NAT16: variants seen among roughly 807,000 people sequenced by gnomAD.
NAT16 encodes the protein probable N-acetyltransferase 16.
A neutral mutation model predicts 15.9 loss-of-function variants in NAT16; 16 were observed. That is an observed-to-expected ratio of 1.01 (90% CI 0.68 to 1.53). NAT16 has a LOEUF of 1.53. Among genes scored for constraint, NAT16 ranks in the 40% most tolerant of loss-of-function variants. The pLI is 0.00. For synonymous variants in NAT16, 260 were observed against 241.9 expected (o/e 1.07, Z -0.69); for missense variants, 572 against 508.4 (o/e 1.13, Z -1.20).
chr7:101,178,769 T>A (rs1244403628), intron 1 of NAT16, among the ~76,000 whole-genome samples: 1 of 144,998 alleles, frequency 6.9e-6, no homozygotes, highest in Non-Finnish European at 1.5e-5. Context: ...CGCATTCCTG[T>A]AATCCCAGCT....
At position 101,172,042 on chromosome 7, in the gene NAT16, G is replaced by A; in HGVS notation, c.*37C>T. ...CTGGCTGGGGAAACTGCGGAAGGGG[G>A]CGGGTCTTTTTCCCCCTCCCCGCCA... On this transcript the variant is annotated 3_prime_UTR_variant, in exon 4 of 4. Coordinates refer to ENST00000300303, the MANE Select transcript of NAT16 (RefSeq NM_198571.3). The surrounding 1 kb of genome is among the most constrained non-coding windows in gnomAD (Gnocchi z 4.2). 7.0e-7 allele frequency: 1 copy of A among 1,435,292 alleles called. No homozygotes were observed. Among genetic ancestry groups the A allele is most frequent in the Non-Finnish European group, 9.7e-7 (1 of 1,033,616 alleles). The allele number at this position is 1,435,292 out of a possible 1,614,324, so 88.9% of individuals were successfully genotyped here.
chr7:101,178,889 C>CAAAAAAAAAAAAAAAAA (rs71126381), intron 1 of NAT16, among the ~76,000 whole-genome samples: 2 of 62,084 alleles, frequency 3.2e-5, no homozygotes, highest in Non-Finnish European at 5.5e-5. Flanking sequence ...GAAACGCTGT[C>CAAAAAAAAAAAAAAAAA]AAAAAAAAAA....
At chr7:101,173,063 G>T (rs1797372398) in intron 3 of NAT16, among the ~76,000 whole-genome samples, 1 of 152,132 alleles carries the variant, frequency 6.6e-6, no homozygotes, top group African/African-American at 2.4e-5. Flanking sequence ...GGGAGGCAGG[G>T]TCCCCGAAGT....
At chr7:101,174,328 A>C in intron 2 of NAT16, 168 bp downstream of exon 2, 1 of 847,874 alleles carries the variant, frequency 1.2e-6, no homozygotes, top group Non-Finnish European at 1.8e-6. Context: ...TCACTGACAT[A>C]GCCCCTGGAT....
In NAT16 at chr7:101,171,748, G is replaced by C. The variant is rs962638392; in HGVS notation, c.*331C>G. The C allele has an allele frequency of 7.8e-6, 2 of 255,012 alleles. No homozygotes were observed. The highest frequency in any genetic ancestry group is 4.5e-5 in the African/African-American group (2 of 43,960). The allele number at this position is 255,012 out of a possible 1,614,324, so 15.8% of individuals were successfully genotyped here. On this transcript the variant is annotated 3_prime_UTR_variant, in exon 4 of 4. Coordinates refer to ENST00000300303, the MANE Select transcript of NAT16 (RefSeq NM_198571.3). ...ACGCCCCGGGTGAGGTGATGGAGAG[G>C]GAAGGAAGGACTCTGAAGCCTGTGC...
At chr7:101,174,103 T>C (rs948521510) in intron 2 of NAT16, 25 of 328,954 alleles carry the variant, frequency 7.6e-5, no homozygotes, top group Non-Finnish European at 1.4e-4. Flanking sequence ...CTTCCTTGGC[T>C]CCTCCCCCGG....
chr7:101,177,008 C>T (rs953688186), intron 1 of NAT16, among the ~76,000 whole-genome samples: 1 of 152,058 alleles, frequency 6.6e-6, no homozygotes, highest in African/African-American at 2.4e-5. Context: ...CTTGCCTAAA[C>T]GCGGTATGCT....
In NAT16 at chr7:101,174,707, T is replaced by A. The variant is rs763485972; in HGVS notation, c.101A>T (p.Gln34Leu). The A allele has an allele frequency of 8.7e-6, 14 of 1,613,164 alleles. No homozygotes were observed. In the South Asian group the frequency reaches 1.5e-4, roughly 18 times the overall value. The change falls in exon 2 of 4, where the codon CAG (glutamine) becomes CTG (leucine). Residue 34 changes from glutamine to leucine, a missense_variant. By Grantham distance (113) the Gln-to-Leu change is moderately radical (BLOSUM62 -2). Transcript: ENST00000300303. The stretch of plus-strand genomic sequence containing the variant: ...CGACCTGGGCTCGGCCTCCACCTCC[T>A]GTGGCCGGGTTTCAGAGCTTGGCTC... ...DAEPSSETRPQEVEAEPRSGS... is the reference protein window; with the variant it reads ...DAEPSSETRPLEVEAEPRSGS...
intron 1 of NAT16, among the ~76,000 whole-genome samples, chr7:101,179,638 G>A (rs1237377128): frequency 7.2e-6 from 1 of 139,238 alleles, no homozygotes; most frequent in Admixed American, 7.1e-5. Flanking sequence ...AGGGGGTGGG[G>A]GGAGGGCCCC....
rs1477543063 is a variant in NAT16, at chr7:101,172,330, G to T, written c.859C>A (p.Pro287Thr). The change falls in exon 4 of 4, where the codon CCG becomes ACG. Residue 287 changes from proline (P) to threonine (T), a missense_variant. Physicochemically the swap from Pro to Thr is conservative, Grantham distance 38. Coordinates refer to ENST00000300303, the MANE Select transcript of NAT16 (RefSeq NM_198571.3). This position sits in a 1 kb window ranked among gnomAD's most constrained non-coding sequence, Gnocchi z 4.2. ...CGCCAAGTGCCGTCCCCTCCGTGCG[G>T]GATGGGGAAGGGGCGCGTGCACAGC... ...LTLCTRPFPI[P>T]HGGDGTWRYL... 1.2e-6 allele frequency: 2 copies of T among 1,603,594 alleles called. No homozygotes were observed. Among genetic ancestry groups the T allele is most frequent in the East Asian group, 4.5e-5 (2 of 44,444 alleles).
At chr7:101,175,294 A>G (rs970711117) in intron 1 of NAT16, among the ~76,000 whole-genome samples, 1 of 149,708 alleles carries the variant, frequency 6.7e-6, no homozygotes, top group Non-Finnish European at 1.5e-5. Context: ...TTTAATACAG[A>G]TAGGGATCTC....
Position 101,173,385 on chromosome 7 carries a change from G to C in NAT16, c.448C>G (p.Gln150Glu), listed in dbSNP as rs754397489. ...QRFCSQLVKR[Q>E]HPGVKVARLT... ...CGTGCCACCTTGACCCCCGGGTGCTGTCTCTTGACCAGCTGCGAGCAGAAG... is the reference window on the plus strand; with the variant it reads ...CGTGCCACCTTGACCCCCGGGTGCTCTCTCTTGACCAGCTGCGAGCAGAAG... Residue 150 changes from glutamine (Q) to glutamate (E), a missense_variant, in exon 3 of 4, where the codon CAG becomes GAG. Transcript: ENST00000300303. The C allele has an allele frequency of 1.9e-6, 3 of 1,614,030 alleles. No homozygotes were observed. Among genetic ancestry groups the C allele is most frequent in the East Asian group, 4.5e-5 (2 of 44,874 alleles).
chr7:101,173,549 C>T (rs769955282), intron 2 of NAT16, 29 bp from the exon 3 acceptor site: 2 of 1,520,186 alleles, frequency 1.3e-6, no homozygotes, highest in East Asian at 4.8e-5. Flanking sequence ...AGCGCGGGGC[C>T]CTCCCCGCCT....
chr7:101,173,581 G>A (rs1797395097), intron 2 of NAT16, 61 bp from the exon 3 acceptor site: 28 of 1,400,930 alleles, frequency 2.0e-5, no homozygotes, highest in Non-Finnish European at 2.5e-5. Context: ...AGGGCTGTCG[G>A]TTCACTGGGC....
chr7:101,174,443 G>T, intron 2 of NAT16, 53 bp downstream of exon 2: 1 of 1,515,814 alleles, frequency 6.6e-7, no homozygotes, highest in Non-Finnish European at 8.8e-7. Flanking sequence ...TAAGATCCAC[G>T]CACCCGCAGG....
At chr7:101,173,647 C>T (rs748040963) in intron 2 of NAT16, 127 bp from the exon 3 acceptor site, 8 of 825,672 alleles carry the variant, frequency 9.7e-6, no homozygotes, top group Non-Finnish European at 1.5e-5. Context: ...CCAGGCCAGG[C>T]CTGGGGTAGC....
chr7:101,178,710 T>TAAAAAAAAAAAA (rs386410830), intron 1 of NAT16, among the ~76,000 whole-genome samples: 6 of 72,794 alleles, frequency 8.2e-5, no homozygotes, highest in Non-Finnish European at 9.8e-5. Context: ...CTCTCTCTAC[T>TAAAAAAAAAAAA]AAAAAAAAAA....
At chr7:101,173,259 G>T in intron 3 of NAT16, 37 bp downstream of exon 3, 1 of 1,575,736 alleles carries the variant, frequency 6.3e-7, no homozygotes, top group Non-Finnish European at 8.7e-7. Context: ...TGCCCCAGCA[G>T]AGAGGCCCAG....
In NAT16 at chr7:101,172,208, G is replaced by A. The variant is rs1348747371; in HGVS notation, c.981C>T (p.Leu327=). The change falls in exon 4 of 4, where the codon CTC becomes CTT. Residue 327 remains leucine, a synonymous_variant. Coordinates refer to ENST00000300303, the MANE Select transcript of NAT16 (RefSeq NM_198571.3). This position sits in a 1 kb window ranked among gnomAD's most constrained non-coding sequence, Gnocchi z 4.2. ...LQRQAPRLVG[L]NVMCQLFLEP... The stretch of plus-strand genomic sequence containing the variant: ...CCAGGAAGAGCTGGCACATGACGTT[G>A]AGGCCAACGAGGCGCGGGGCCTGGC... 3 of 1,613,704 alleles carry A rather than the reference G, an allele frequency of 1.9e-6. No individual in the cohort carries two copies. Among genetic ancestry groups the A allele is most frequent in the Non-Finnish European group, 2.5e-6 (3 of 1,179,940 alleles).
Sources: gnomAD v4.1 joint callset for allele counts (sites outside exome capture counted in the v4.1 genomes callset) on GRCh38, gnomAD v4.1.1 for gene constraint, Gnocchi (gnomAD v3.1) non-coding constraint, MANE v1.5 for transcripts, NCBI Gene and HGNC (gene_info 2026-07-23, HGNC 2026-07-21) for gene names.